CSMD1: variants seen among roughly 807,000 people sequenced by gnomAD.
CSMD1 encodes the protein CUB and Sushi multiple domains 1, also known as CUB and sushi domain-containing protein 1.
CSMD1 carries 213 observed loss-of-function variants against 417.5 expected under a neutral mutation model. That is an observed-to-expected ratio of 0.51 (90% CI 0.46 to 0.57). The LOEUF is 0.57. Among genes scored for constraint, CSMD1 ranks in the 20% least tolerant of loss-of-function variants. The probability of loss-of-function intolerance (pLI) is 0.00; values close to 1 mark genes in which losing one functional copy is unlikely to be tolerated. For missense variants in CSMD1, 6,923 were observed against 4,529.7 expected, an observed-to-expected ratio of 1.53 and a Z score of -15.17; for synonymous variants, 2,862 against 1,736.8, an observed-to-expected ratio of 1.65 and a Z score of -16.11.
chr8:4,013,774 T>C (rs1368516139), intron 4 of CSMD1, among the ~76,000 whole-genome samples: 1 of 152,238 alleles, frequency 6.6e-6, no homozygotes, highest in Admixed American at 6.5e-5. Context: ...TCTGGTTTTA[T>C]ACATTAGGCT....
intron 5 of CSMD1, among the ~76,000 whole-genome samples, chr8:3,945,170 G>C (rs1335946149): frequency 1.4e-5 from 1 of 71,194 alleles, no homozygotes; most frequent in African/African-American, 4.9e-5. Flanking sequence ...ATTTGACCAT[G>C]AGAAAGACAA....
chr8:4,229,918 T>G (rs1801609262), intron 3 of CSMD1, among the ~76,000 whole-genome samples: 1 of 152,228 alleles, frequency 6.6e-6, no homozygotes, highest in South Asian at 2.1e-4. Context: ...TAATATTTGT[T>G]GATTGAGTGA....
At chr8:3,325,289 T>C (rs747907672) in intron 23 of CSMD1, among the ~76,000 whole-genome samples, 3 of 152,230 alleles carry the variant, frequency 2.0e-5, no homozygotes, top group Non-Finnish European at 4.4e-5. Context: ...TCACTTTTTA[T>C]TACCCCTAGA....
intron 3 of CSMD1, among the ~76,000 whole-genome samples, chr8:4,226,067 G>GACACACACACACAC (rs67767005): frequency 2.1e-5 from 3 of 143,514 alleles, no homozygotes; most frequent in Non-Finnish European, 3.1e-5. Flanking sequence ...CTGACAGGCG[G>GACACACACACACAC]ACACACACAC....
chr8:4,625,230 G>A (rs1804353947), intron 2 of CSMD1, among the ~76,000 whole-genome samples: 1 of 151,998 alleles, frequency 6.6e-6, no homozygotes, highest in South Asian at 2.1e-4. Flanking sequence ...ACCTTCCACT[G>A]TTTAAGCACA....
chr8:4,595,728 T>A (rs1375053206), intron 2 of CSMD1, among the ~76,000 whole-genome samples: 1 of 152,164 alleles, frequency 6.6e-6, no homozygotes, highest in Non-Finnish European at 1.5e-5. Context: ...ATAGGTAGAC[T>A]TTGTTTCTAA....
At chr8:3,299,631 T>C (rs1214246240) in intron 25 of CSMD1, among the ~76,000 whole-genome samples, 1 of 152,020 alleles carries the variant, frequency 6.6e-6, no homozygotes. Context: ...GGGAAGGCTC[T>C]TGTCCAGCCA....
At position 4,712,136 on chromosome 8, in the gene CSMD1, C is replaced by T. The variant is rs527390795; in HGVS notation, c.86-74578G>A. On this transcript the variant is annotated intron_variant, in intron 1 of 69. Transcript: ENST00000635120. Reference sequence around the variant, plus strand: ...TCAATGGGACTGACCGTGGTTGAAGCTGGATGGCATAGACCAGTGAACCTC... The same window carrying T: ...TCAATGGGACTGACCGTGGTTGAAGTTGGATGGCATAGACCAGTGAACCTC... Among the ~76,000 whole-genome samples, 410 of 152,330 alleles carry T rather than the reference C, an allele frequency of 2.7e-3. 1 individual carries two copies. Among genetic ancestry groups the T allele is most frequent in the African/African-American group, 9.3e-3 (386 of 41,580 alleles).
intron 7 of CSMD1, among the ~76,000 whole-genome samples, chr8:3,694,322 A>T (rs938665391): frequency 6.6e-6 from 1 of 152,084 alleles, no homozygotes; most frequent in Non-Finnish European, 1.5e-5. Context: ...GCACAGCAGC[A>T]TGACTGAGCA....
At chr8:3,633,431 G>A (rs897086287) in intron 7 of CSMD1, among the ~76,000 whole-genome samples, 12 of 152,170 alleles carry the variant, frequency 7.9e-5, no homozygotes, top group African/African-American at 2.2e-4. Context: ...TGCTACTCCC[G>A]GCAGGATAAT....
chr8:3,564,844 T>G (rs1046557881), intron 10 of CSMD1, among the ~76,000 whole-genome samples: 5 of 151,370 alleles, frequency 3.3e-5, no homozygotes, highest in Non-Finnish European at 7.4e-5. Flanking sequence ...ATGAAAAAAG[T>G]TGCAACTGTT....
At chr8:3,578,116 A>G (rs1800228001) in intron 9 of CSMD1, among the ~76,000 whole-genome samples, 1 of 152,238 alleles carries the variant, frequency 6.6e-6, no homozygotes, top group East Asian at 1.9e-4. Flanking sequence ...TCCTCCATCT[A>G]GCACACCCAC....
chr8:4,765,727 G>A (rs892602672), intron 1 of CSMD1, among the ~76,000 whole-genome samples: 4 of 152,186 alleles, frequency 2.6e-5, no homozygotes, highest in Non-Finnish European at 5.9e-5. Flanking sequence ...CAGGCATCAA[G>A]AGGAGGAATT....
chr8:3,955,469 T>C (rs943340446), intron 5 of CSMD1, among the ~76,000 whole-genome samples: 8 of 152,170 alleles, frequency 5.3e-5, no homozygotes, highest in Non-Finnish European at 1.2e-4. Context: ...AAGTAGAATT[T>C]TGTACTGATA....
intron 2 of CSMD1, among the ~76,000 whole-genome samples, chr8:4,455,569 G>A (rs568673015): frequency 6.6e-6 from 1 of 152,108 alleles, no homozygotes; most frequent in Non-Finnish European, 1.5e-5. Context: ...CCTCCTGCTT[G>A]TGAGATCAAA....
At chr8:4,530,619 G>C (rs1796762878) in intron 2 of CSMD1, among the ~76,000 whole-genome samples, 2 of 151,294 alleles carry the variant, frequency 1.3e-5, no homozygotes, top group South Asian at 2.1e-4. Context: ...TCCTGTATTA[G>C]TTTTCTGAGG....
At chr8:4,019,133 G>C (rs193092658) in intron 4 of CSMD1, among the ~76,000 whole-genome samples, 2 of 152,098 alleles carry the variant, frequency 1.3e-5, no homozygotes, top group Admixed American at 6.6e-5. Context: ...CCATGGTATC[G>C]TAAGACTTAA....
chr8:3,208,779 G>C (rs1022164846), intron 30 of CSMD1, among the ~76,000 whole-genome samples: 13 of 152,170 alleles, frequency 8.5e-5, no homozygotes, highest in African/African-American at 3.1e-4. Context: ...TGTGAAATGA[G>C]AGACTGGCCT....
intron 2 of CSMD1, among the ~76,000 whole-genome samples, chr8:4,450,590 C>A (rs1799082840): frequency 6.6e-6 from 1 of 152,032 alleles, no homozygotes; most frequent in African/African-American, 2.4e-5. Flanking sequence ...CAGATCGCAC[C>A]ACTGCACTCC....
Sources: allele counts gnomAD v4.1 joint callset (sites outside exome capture counted in the v4.1 genomes callset), GRCh38; gene constraint gnomAD v4.1.1; transcripts MANE v1.5; gene names NCBI Gene and HGNC (gene_info 2026-07-23, HGNC 2026-07-21).